Variants in ZNF804B observed in about 807,000 individuals in gnomAD.
ZNF804B encodes the protein zinc finger 804B.
Under a neutral mutation model 101.4 loss-of-function variants are expected in ZNF804B, and 80 were observed. The ratio of observed to expected loss-of-function variants is 0.79; its 90% CI spans 0.66 to 0.95. The LOEUF (loss-of-function observed/expected upper bound fraction) is 0.95. Among genes scored for constraint, ZNF804B ranks in the 40% least tolerant of loss-of-function variants. The pLI is 0.00. For synonymous variants in ZNF804B, 622 were observed against 558.8 expected, an observed-to-expected ratio of 1.11 and a Z score of -1.59; for missense variants, 1,673 against 1,561.9, an observed-to-expected ratio of 1.07 and a Z score of -1.20.
At chr7:88,855,595 G>T (rs192092530) in intron 1 of ZNF804B, among the ~76,000 whole-genome samples, 2,022 of 152,258 alleles carry the variant, frequency 0.013, 40 homozygotes, top group South Asian at 0.016. Context: ...CTGTGCAGAA[G>T]TTCTTTAGTT....
intron 1 of ZNF804B, among the ~76,000 whole-genome samples, chr7:88,952,398 A>G (rs913975348): frequency 2.0e-5 from 3 of 151,834 alleles, no homozygotes; most frequent in Non-Finnish European, 4.4e-5. Flanking sequence ...GCATGGGACC[A>G]AGGTGGATAA....
chr7:88,815,369 T>G (rs745695233), intron 1 of ZNF804B, among the ~76,000 whole-genome samples: 1 of 143,142 alleles, frequency 7.0e-6, no homozygotes, highest in Non-Finnish European at 1.5e-5. Flanking sequence ...CCCAGTACAG[T>G]TTTTCAAGTC....
chr7:88,809,826 C>T (rs946382592), intron 1 of ZNF804B, among the ~76,000 whole-genome samples: 2 of 152,116 alleles, frequency 1.3e-5, no homozygotes, highest in African/African-American at 4.8e-5. Flanking sequence ...AGTCTTTCAG[C>T]ACAGTTGCTT....
chr7:89,007,295 TAC>T (rs1788380288), intron 1 of ZNF804B, among the ~76,000 whole-genome samples: 1 of 151,448 alleles, frequency 6.6e-6, no homozygotes, highest in African/African-American at 2.4e-5. Context: ...ACAAAATGTT[TAC>T]AAAGTGTATC....
intron 2 of ZNF804B, among the ~76,000 whole-genome samples, chr7:89,275,311 A>T (rs1023984562): frequency 6.6e-6 from 1 of 152,044 alleles, no homozygotes; most frequent in Non-Finnish European, 1.5e-5. Context: ...ATACTGTAAT[A>T]GCTTTATAAC....
In ZNF804B at chr7:89,087,570, G is replaced by A. The variant is rs541501103; in HGVS notation, c.109-130585G>A. Among the ~76,000 whole-genome samples the A allele has an allele frequency of 8.6e-5, 13 of 151,878 alleles. 1 individual carries two copies. Among genetic ancestry groups the A allele is most frequent in the Admixed American group, 3.3e-4 (5 of 15,202 alleles). On this transcript the variant is annotated intron_variant, in intron 1 of 3. Transcript: ENST00000333190. ...AACTAGTTTTGATATCTCTTTAAAT[G>A]ATTTTTATTCATAGATTCACCAGAA... is the stretch of plus-strand genomic sequence containing the variant.
At chr7:89,077,796 G>A (rs962345811) in intron 1 of ZNF804B, among the ~76,000 whole-genome samples, 4 of 151,920 alleles carry the variant, frequency 2.6e-5, no homozygotes, top group African/African-American at 9.7e-5. Flanking sequence ...GAAATTAGGT[G>A]AATAAACAAT....
intron 1 of ZNF804B, among the ~76,000 whole-genome samples, chr7:88,840,649 T>C (rs1391871492): frequency 6.6e-6 from 1 of 152,104 alleles, no homozygotes; most frequent in Non-Finnish European, 1.5e-5. Context: ...GATTAACTTT[T>C]CCGGGATAGT....
chr7:89,001,061 G>A (rs1255463357), intron 1 of ZNF804B, among the ~76,000 whole-genome samples: 2 of 147,330 alleles, frequency 1.4e-5, no homozygotes, highest in Non-Finnish European at 3.0e-5. Context: ...GGTGGGGATG[G>A]GGTTGGAATG....
chr7:89,058,539 CA>C (rs2116277663), intron 1 of ZNF804B, among the ~76,000 whole-genome samples: 1 of 152,188 alleles, frequency 6.6e-6, no homozygotes, highest in South Asian at 2.1e-4. Flanking sequence ...TAGAAACAAG[CA>C]TTTTTTAAGG....
intron 1 of ZNF804B, among the ~76,000 whole-genome samples, chr7:89,053,419 A>G (rs1789239335): frequency 6.6e-6 from 1 of 152,088 alleles, no homozygotes; most frequent in South Asian, 2.1e-4. Context: ...TTTACACTGA[A>G]TAATAAAGTA....
chr7:89,282,158 G>C (rs1163927895), intron 2 of ZNF804B, among the ~76,000 whole-genome samples: 1 of 141,322 alleles, frequency 7.1e-6, no homozygotes, highest in South Asian at 2.2e-4. Flanking sequence ...CCGAGATCCC[G>C]CCACTGCACT....
At chr7:89,166,298 C>T (rs929023085) in intron 1 of ZNF804B, among the ~76,000 whole-genome samples, 5 of 152,044 alleles carry the variant, frequency 3.3e-5, no homozygotes, top group African/African-American at 9.7e-5. Flanking sequence ...CCTGCACAGT[C>T]GAAAATCCAG....
At chr7:88,854,427 C>CTTCCTTTCTTTCTTTCTTTCTT (rs1791505402) in intron 1 of ZNF804B, among the ~76,000 whole-genome samples, 1 of 116,020 alleles carries the variant, frequency 8.6e-6, no homozygotes, top group Admixed American at 9.3e-5. Context: ...TTCTTTCTTT[C>CTTCCTTTCTTTCTTTCTTTCTT]TTTCTTTCTT....
chr7:89,313,479 T>C (rs1381035070), intron 2 of ZNF804B, among the ~76,000 whole-genome samples: 1 of 152,188 alleles, frequency 6.6e-6, no homozygotes, highest in Non-Finnish European at 1.5e-5. Context: ...GACAGATGTT[T>C]ACATGCATGT....
intron 2 of ZNF804B, among the ~76,000 whole-genome samples, chr7:89,291,557 A>G (rs901683737): frequency 6.2e-4 from 95 of 152,166 alleles, no homozygotes; most frequent in Middle Eastern, 6.3e-3. Context: ...GAACTTGAAG[A>G]CAGGTTATTT....
chr7:88,762,506 C>T (rs1195144795), intron 1 of ZNF804B, among the ~76,000 whole-genome samples: 2 of 152,138 alleles, frequency 1.3e-5, no homozygotes, highest in Admixed American at 6.5e-5. Flanking sequence ...TGTTTGCCTT[C>T]CTTACTAATT....
At chr7:89,146,300 G>A (rs1346052853) in intron 1 of ZNF804B, among the ~76,000 whole-genome samples, 2 of 152,028 alleles carry the variant, frequency 1.3e-5, no homozygotes, top group Non-Finnish European at 2.9e-5. Context: ...TTACTTATAA[G>A]CCTATTAGGA....
At position 89,327,435 on chromosome 7, in the gene ZNF804B, G is replaced by A. The variant is rs749470172; in HGVS notation, c.341G>A (p.Arg114Gln). ...DEKKQEKALK[R>Q]LHQLAELRQQ... ...AAAAAACAAGAAAAAGCACTTAAACGACTTCATCAGCTGGCTGAGTTAAGG... is the reference window on the plus strand; with the variant it reads ...AAAAAACAAGAAAAAGCACTTAAACAACTTCATCAGCTGGCTGAGTTAAGG... The change falls in exon 3 of 4, where the codon CGA (arginine) becomes CAA (glutamine). Residue 114 changes from arginine (R) to glutamine (Q), a missense_variant. Coordinates refer to ENST00000333190, the MANE Select transcript of ZNF804B (RefSeq NM_181646.5). 52 of 1,611,094 alleles carry A rather than the reference G, an allele frequency of 3.2e-5. No individual in the cohort carries two copies. The highest frequency in any genetic ancestry group is 3.9e-5 in the Non-Finnish European group (46 of 1,178,448).
Sources: allele counts gnomAD v4.1 joint callset (sites outside exome capture counted in the v4.1 genomes callset), GRCh38; gene constraint gnomAD v4.1.1; transcripts MANE v1.5; gene names NCBI Gene and HGNC (gene_info 2026-07-23, HGNC 2026-07-21).